Variants in SPTLC3 observed in about 807,000 individuals in gnomAD.
SPTLC3 encodes the protein serine palmitoyltransferase long chain base subunit 3.
A neutral mutation model predicts 59.3 loss-of-function variants in SPTLC3; 36 were observed. The ratio of observed to expected loss-of-function variants is 0.61; its 90% CI spans 0.47 to 0.80. The LOEUF (loss-of-function observed/expected upper bound fraction) is 0.80, where lower values mean the gene tolerates loss of function less well. Ranked by LOEUF, SPTLC3 falls within the 30% of genes least tolerant of loss-of-function variation. The pLI is 0.00. For missense variants in SPTLC3, 625 were observed against 685.1 expected, an observed-to-expected ratio of 0.91 and a Z score of 0.98; for synonymous variants, 257 against 240.8, an observed-to-expected ratio of 1.07 and a Z score of -0.62.
Position 13,009,333 on chromosome 20 carries a change from T to A in SPTLC3, c.66T>A (p.Asn22Lys), listed in dbSNP as rs201820536. 41 of 1,613,918 alleles carry A rather than the reference T, an allele frequency of 2.5e-5. No homozygotes were observed. The highest frequency in any genetic ancestry group is 5.1e-6 in the Non-Finnish European group (6 of 1,179,962). ...TTCACAATCACAAGAAACAGAGCAA[T>A]GGCTCACAAAGCAGAAACTGCACAA... is the stretch of plus-strand genomic sequence containing the variant. ...GKLHNHKKQS[N>K]GSQSRNCTKN... Residue 22 changes from asparagine (N) to lysine (K), a missense_variant, in exon 1 of 12, where the codon AAT (asparagine) becomes AAA (lysine). Physicochemically the swap from Asn to Lys is moderately conservative, Grantham distance 94. Transcript: ENST00000399002.
At chr20:13,140,334 G>A (rs1164522785) in intron 9 of SPTLC3, among the ~76,000 whole-genome samples, 5 of 152,044 alleles carry the variant, frequency 3.3e-5, no homozygotes, top group African/African-American at 1.2e-4. Context: ...GCTCTCCTTG[G>A]GTACTTTTGG....
intron 1 of SPTLC3, among the ~76,000 whole-genome samples, chr20:13,033,790 A>G (rs1203993626): frequency 3.3e-5 from 5 of 152,204 alleles, no homozygotes; most frequent in Non-Finnish European, 7.3e-5. Context: ...TCTTTAAAAT[A>G]TTATTGTTAT....
At chr20:13,036,175 G>GT (rs1986726149) in intron 1 of SPTLC3, among the ~76,000 whole-genome samples, 1 of 152,086 alleles carries the variant, frequency 6.6e-6, no homozygotes, top group Non-Finnish European at 1.5e-5. Context: ...CATGCTAAAA[G>GT]TGCATAATCT....
intron 1 of SPTLC3, among the ~76,000 whole-genome samples, chr20:13,021,286 C>T (rs746729182): frequency 9.9e-5 from 15 of 152,028 alleles, no homozygotes; most frequent in Non-Finnish European, 1.9e-4. Context: ...AGTCTATGCC[C>T]CTCTATTCTT....
rs1440662783 is a variant in SPTLC3 at position 13,148,565 on chromosome 20, A to T, written c.1280-5438A>T. 2.6e-5 allele frequency among the ~76,000 whole-genome samples: 4 copies of T among 152,178 alleles called. No homozygotes were observed. The East Asian group carries it at 5.8e-4, about 22-fold the overall frequency. The stretch of plus-strand genomic sequence containing the variant: ...CTGGGAAGTAATCATGCCAAACAAG[A>T]GGCTACCACATATGCCCATTTTTAT... On this transcript the variant is annotated intron_variant, in intron 9 of 11. Coordinates refer to ENST00000399002, the MANE Select transcript of SPTLC3 (RefSeq NM_018327.4).
At chr20:13,052,220 G>A (rs1370122614) in intron 2 of SPTLC3, among the ~76,000 whole-genome samples, 5 of 152,160 alleles carry the variant, frequency 3.3e-5, no homozygotes, top group Non-Finnish European at 5.9e-5. Flanking sequence ...AGACCACAGA[G>A]GGCAAGCCGA....
chr20:13,159,752 T>C (rs1264122945), intron 10 of SPTLC3, among the ~76,000 whole-genome samples: 2 of 152,168 alleles, frequency 1.3e-5, no homozygotes, highest in African/African-American at 4.8e-5. Flanking sequence ...TCCACAATTA[T>C]CTAATGAGTG....
intron 6 of SPTLC3, among the ~76,000 whole-genome samples, chr20:13,095,626 C>T (rs6105037): frequency 6.6e-6 from 1 of 152,154 alleles, no homozygotes; most frequent in Non-Finnish European, 1.5e-5. Context: ...ATGACCATCA[C>T]TGGGTTGGGG....
intron 1 of SPTLC3, among the ~76,000 whole-genome samples, chr20:13,014,468 T>C (rs1429324588): frequency 6.6e-6 from 1 of 152,192 alleles, no homozygotes; most frequent in Non-Finnish European, 1.5e-5. Flanking sequence ...CAGAGCATTA[T>C]GCCTTTGGCC....
intron 4 of SPTLC3, among the ~76,000 whole-genome samples, chr20:13,081,116 C>G (rs1988829105): frequency 1.3e-5 from 2 of 152,130 alleles, no homozygotes; most frequent in African/African-American, 4.8e-5. Context: ...AGGACAGCTT[C>G]CCAGGACACA....
intron 8 of SPTLC3, among the ~76,000 whole-genome samples, chr20:13,123,292 C>CT (rs2037910843): frequency 6.6e-6 from 1 of 151,488 alleles, no homozygotes; most frequent in Admixed American, 6.6e-5. Flanking sequence ...GGTCATGCCA[C>CT]TGCACTCCAG....
intron 1 of SPTLC3, among the ~76,000 whole-genome samples, chr20:13,028,046 G>A (rs1427539329): frequency 6.6e-6 from 1 of 152,164 alleles, no homozygotes. Context: ...TCACGCCTTG[G>A]TTCCTTTGTT....
chr20:13,017,012 C>A (rs1985559741), intron 1 of SPTLC3, among the ~76,000 whole-genome samples: 2 of 152,092 alleles, frequency 1.3e-5, no homozygotes, highest in African/African-American at 2.4e-5. Context: ...CAAGTTTGTT[C>A]AATCCTAGAA....
intron 7 of SPTLC3, among the ~76,000 whole-genome samples, chr20:13,116,104 A>G (rs2122733464): frequency 6.6e-6 from 1 of 152,302 alleles, no homozygotes; most frequent in South Asian, 2.1e-4. Context: ...GAACACACAA[A>G]TGCTGCACCC....
At chr20:13,010,915 C>T (rs145285287) in intron 1 of SPTLC3, among the ~76,000 whole-genome samples, 1 of 152,168 alleles carries the variant, frequency 6.6e-6, no homozygotes, top group East Asian at 1.9e-4. Flanking sequence ...GGATAAAACC[C>T]AGGATTCTAA....
intron 8 of SPTLC3, among the ~76,000 whole-genome samples, chr20:13,120,216 G>C (rs1337271725): frequency 2.6e-5 from 4 of 152,184 alleles, no homozygotes; most frequent in African/African-American, 9.7e-5. Flanking sequence ...TAACTGTACT[G>C]TAAGACAGAT....
intron 1 of SPTLC3, among the ~76,000 whole-genome samples, chr20:13,044,743 C>T (rs903402131): frequency 2.0e-5 from 3 of 151,994 alleles, no homozygotes; most frequent in Non-Finnish European, 2.9e-5. Flanking sequence ...CTTTACTAGC[C>T]CCACTTAGCA....
chr20:13,158,333 T>C (rs6033630), intron 10 of SPTLC3, among the ~76,000 whole-genome samples: 5,867 of 152,208 alleles, frequency 0.039, 163 homozygotes, highest in African/African-American at 0.081. Context: ...GCTTTAGTAG[T>C]GTAAGGTTTA....
chr20:13,037,891 T>C (rs1986804372), intron 1 of SPTLC3, among the ~76,000 whole-genome samples: 1 of 151,890 alleles, frequency 6.6e-6, no homozygotes, highest in South Asian at 2.1e-4. Context: ...GATTCAACGG[T>C]AGAGGAAGAG....
Sources: allele counts gnomAD v4.1 joint callset (sites outside exome capture counted in the v4.1 genomes callset), GRCh38; gene constraint gnomAD v4.1.1; transcripts MANE v1.5; gene names NCBI Gene and HGNC (gene_info 2026-07-23, HGNC 2026-07-21).